CLCN5: variants seen among roughly 807,000 people sequenced by gnomAD.
CLCN5 encodes Cl-/H+ antiporter 5.
CLCN5 carries 17 observed loss-of-function variants against 54.0 expected under a neutral mutation model. The observed-to-expected ratio is 0.31, with a 90% CI of 0.22 to 0.47. The LOEUF (loss-of-function observed/expected upper bound fraction) is 0.47, where lower values mean the gene tolerates loss of function less well. Ranked by LOEUF, CLCN5 falls within the 20% of genes least tolerant of loss-of-function variation. CLCN5 has a pLI of 1.00. For missense variants in CLCN5, 448 were observed against 646.7 expected (o/e 0.69, Z 3.33); for synonymous variants, 222 against 233.0 (o/e 0.95, Z 0.43).
At chrX:50,029,268 C>T (rs1557185471) in intron 3 of CLCN5, among the ~76,000 whole-genome samples, 2 of 109,685 alleles carry the variant, frequency 1.8e-5, no homozygotes, top group African/African-American at 6.7e-5. Context: ...TGTCATTTAG[C>T]ATTAGGTATA....
At chrX:50,015,287 G>A (rs1407871666) in intron 3 of CLCN5, among the ~76,000 whole-genome samples, 1 of 110,282 alleles carries the variant, frequency 9.1e-6, no homozygotes, top group African/African-American at 3.3e-5. Flanking sequence ...AGGACAGGGA[G>A]ATGCACACAT....
chrX:50,072,685 T>G, intron 6 of CLCN5, 97 bp downstream of exon 6: 1 of 635,388 alleles, frequency 1.6e-6, no homozygotes. Flanking sequence ...GTTTTCCTGT[T>G]TTTCTACCTT....
chrX:49,934,974 C>T lies in CLCN5; in HGVS notation c.16+9660C>T, dbSNP rs782292874. Among the ~76,000 whole-genome samples, 5 of 111,988 alleles carry T rather than the reference C, an allele frequency of 4.5e-5. No homozygotes were observed. The South Asian group carries it at 1.9e-3, about 42-fold the overall frequency. On this transcript the variant is annotated intron_variant, in intron 3 of 14. Transcript: ENST00000376091. ...GCACTGAATATTCCCAGGTTGAAAT[C>T]ATGATCTTTCCTGTTTAGCTTTGAG...
chrX:49,944,884 G>A (rs1926606035), intron 3 of CLCN5, among the ~76,000 whole-genome samples: 1 of 111,498 alleles, frequency 9.0e-6, no homozygotes, highest in Non-Finnish European at 1.9e-5. Context: ...ATATCATATT[G>A]CAAAGTAGTC....
intron 8 of CLCN5, among the ~76,000 whole-genome samples, chrX:50,080,996 A>G (rs1933672883): frequency 9.0e-6 from 1 of 111,647 alleles, no homozygotes; most frequent in Non-Finnish European, 1.9e-5. Flanking sequence ...GTATATCCCA[A>G]GATTCTGACC....
intron 2 of CLCN5, chrX:49,923,878 T>C (rs74634690): frequency 8.9e-6 from 1 of 112,555 alleles, no homozygotes; most frequent in Non-Finnish European, 1.9e-5. Context: ...CTCAAGCTAG[T>C]ATTAGCCTTC....
At chrX:50,042,489 T>C (rs1932260461) in intron 4 of CLCN5, 27 bp downstream of exon 4, 2 of 966,094 alleles carry the variant, frequency 2.1e-6, no homozygotes, top group South Asian at 3.4e-5. Context: ...TGATAATTTA[T>C]CTTAATTTTT....
At chrX:49,934,696 A>G (rs1925838954) in intron 3 of CLCN5, among the ~76,000 whole-genome samples, 1 of 112,091 alleles carries the variant, frequency 8.9e-6, no homozygotes, top group Non-Finnish European at 1.9e-5. Flanking sequence ...TAAATGCAGG[A>G]CAGGGACCAT....
chrX:49,942,451 T>C (rs58617088), intron 3 of CLCN5, among the ~76,000 whole-genome samples: 8,323 of 108,342 alleles, frequency 0.077, 840 homozygotes, highest in African/African-American at 0.27. Context: ...ATGTGCACAA[T>C]GTGCAGGTTT....
chrX:50,060,601 G>T (rs2147515943), intron 4 of CLCN5, among the ~76,000 whole-genome samples: 1 of 110,515 alleles, frequency 9.0e-6, no homozygotes, highest in East Asian at 2.9e-4. Flanking sequence ...CCATTGCCCA[G>T]GCTTGCTTAG....
intron 3 of CLCN5, among the ~76,000 whole-genome samples, chrX:49,981,880 T>C (rs1267458481): frequency 9.0e-6 from 1 of 111,153 alleles, no homozygotes; most frequent in Non-Finnish European, 1.9e-5. Context: ...CCCAGTGTAC[T>C]TTTGCCTCTG....
In CLCN5 at chrX:50,012,940, A is replaced by G. The variant is rs184704177; in HGVS notation, c.17-29376A>G. On this transcript the variant is annotated intron_variant, in intron 3 of 14. Transcript: ENST00000376091. Reference sequence around the variant, plus strand: ...AAGAGAATGAGCTCCTGCATTGCTCATGTACGTTCCCAATGCCGAGTCCAT... The same window carrying G: ...AAGAGAATGAGCTCCTGCATTGCTCGTGTACGTTCCCAATGCCGAGTCCAT... Among the ~76,000 whole-genome samples, 10 of 111,902 alleles carry G rather than the reference A, an allele frequency of 8.9e-5. No individual in the cohort carries two copies. In the East Asian group the frequency reaches 2.8e-3, roughly 32 times the overall value.
chrX:50,060,046 G>GA (rs1557189611), intron 4 of CLCN5, among the ~76,000 whole-genome samples: 1 of 105,664 alleles, frequency 9.5e-6, no homozygotes, highest in Admixed American at 1.1e-4. Flanking sequence ...GTTTACTAAC[G>GA]AACAACTTGG....
At chrX:50,051,465 A>C (rs1432300381) in intron 4 of CLCN5, among the ~76,000 whole-genome samples, 2 of 111,926 alleles carry the variant, frequency 1.8e-5, no homozygotes, top group Non-Finnish European at 3.8e-5. Context: ...GAGCCTTCCA[A>C]CTGTTCAGCT....
At chrX:50,010,770 C>T (rs1930462853) in intron 3 of CLCN5, 2 of 114,264 alleles carry the variant, frequency 1.8e-5, no homozygotes, top group Middle Eastern at 8.6e-4. Flanking sequence ...TCGCATAGGA[C>T]AGAGCACTTC....
intron 3 of CLCN5, among the ~76,000 whole-genome samples, chrX:50,032,098 T>C (rs1931731698): frequency 1.8e-5 from 2 of 110,588 alleles, no homozygotes; most frequent in African/African-American, 6.6e-5. Context: ...ATGTGCCACA[T>C]TTTCTTAATC....
At chrX:50,081,899 A>G in intron 9 of CLCN5, 52 bp downstream of exon 9, 1 of 1,060,537 alleles carries the variant, frequency 9.4e-7, no homozygotes, top group African/African-American at 1.8e-5. Flanking sequence ...CATAAATGAT[A>G]CAATCTTAGG....
At chrX:50,005,347 G>A (rs1557181240) in intron 3 of CLCN5, among the ~76,000 whole-genome samples, 1 of 111,644 alleles carries the variant, frequency 9.0e-6, no homozygotes, top group African/African-American at 3.3e-5. Context: ...AGTTGCCACC[G>A]ATGCTCAATT....
At chrX:50,047,583 G>A (rs1161666521) in intron 4 of CLCN5, among the ~76,000 whole-genome samples, 2 of 111,094 alleles carry the variant, frequency 1.8e-5, no homozygotes, top group Non-Finnish European at 3.8e-5. Context: ...ATTAGCTAAA[G>A]TACATAATTT....
Sources: allele counts gnomAD v4.1 joint callset (sites outside exome capture counted in the v4.1 genomes callset), GRCh38; gene constraint gnomAD v4.1.1; transcripts MANE v1.5; gene names NCBI Gene and HGNC (gene_info 2026-07-23, HGNC 2026-07-21).